Variants in PRMT5 observed in about 807,000 individuals in gnomAD.
PRMT5 encodes protein arginine methyltransferase 5, also known as protein arginine N-methyltransferase 5.
A neutral mutation model predicts 84.0 loss-of-function variants in PRMT5; 15 were observed. The observed-to-expected ratio is 0.18, with a 90% CI of 0.12 to 0.28. The LOEUF (loss-of-function observed/expected upper bound fraction) is 0.28, where lower values mean the gene tolerates loss of function less well. PRMT5 is among the 10% of genes least tolerant of loss of function. PRMT5 has a pLI of 1.00. For missense variants in PRMT5, 486 were observed against 808.0 expected (o/e 0.60, Z 4.83); for synonymous variants, 276 against 292.4 (o/e 0.94, Z 0.57).
rs2044474906 is a variant in PRMT5 at position 22,928,436 on chromosome 14, C to A, written c.229+61G>T. 2.1e-6 allele frequency: 3 copies of A among 1,406,354 alleles called. No homozygotes were observed. The highest frequency in any genetic ancestry group is 3.0e-6 in the Non-Finnish European group (3 of 992,730). The allele number at this position is 1,406,354 out of a possible 1,614,324, so 87.1% of individuals were successfully genotyped here. A position where few individuals can be genotyped will look rare whatever the true frequency, so the allele number is the denominator to read the frequency against. ...TCAGAAAAGGAGGAGAATGAGGGCC[C>A]CGATAAAGCAGAAGTTGTTATTGCC... On this transcript the variant is annotated intron_variant, in intron 2 of 16. Transcript: ENST00000324366. This position sits in a 1 kb window ranked among gnomAD's most constrained non-coding sequence, Gnocchi z 4.8.
chr14:22,920,719 G>T lies in PRMT5; in HGVS notation c.*185C>A. ...CCCTGGCCTGAGGTCTTCATAGATT[G>T]GTGGCTTGAGCCCTGCAATTAATTA... On this transcript the variant is annotated 3_prime_UTR_variant, in exon 17 of 17. Coordinates refer to ENST00000324366, the MANE Select transcript of PRMT5 (RefSeq NM_006109.5). 2.3e-6 allele frequency: 2 copies of T among 863,170 alleles called. No homozygotes were observed. Among genetic ancestry groups the T allele is most frequent in the Non-Finnish European group, 3.9e-6 (2 of 518,540 alleles). The allele number at this position is 863,170 out of a possible 1,614,324, so 53.5% of individuals were successfully genotyped here. A position where few individuals can be genotyped will look rare whatever the true frequency, so the allele number is the denominator to read the frequency against.
intron 15 of PRMT5, 57 bp from the exon 16 acceptor site, chr14:22,922,297 T>G (rs1181312121): frequency 2.7e-6 from 4 of 1,497,676 alleles, no homozygotes. Flanking sequence ...CTTTTGCCTA[T>G]GCTGAAGAGG....
chr14:22,922,004 C>T, intron 16 of PRMT5, 172 bp downstream of exon 16: 1 of 655,632 alleles, frequency 1.5e-6, no homozygotes, highest in Non-Finnish European at 2.7e-6. Flanking sequence ...TGCGGGAAAG[C>T]CAGGCAGAAG....
intron 3 of PRMT5, 143 bp downstream of exon 3, chr14:22,927,983 A>G (rs2044464177): frequency 2.6e-6 from 2 of 766,962 alleles, no homozygotes; most frequent in African/African-American, 1.8e-5. Context: ...TGCTAGGATT[A>G]TAGGTGTGCA....
chr14:22,924,220 G>A lies in PRMT5; in HGVS notation c.1200-37C>T, dbSNP rs778796413. ...ACAATAAGGTAAGGAGAGATGTTAA[G>A]GAAATTTGGCAATGAGGACTAACTT... On this transcript the variant is annotated intron_variant, in intron 11 of 16. Coordinates refer to ENST00000324366, the MANE Select transcript of PRMT5 (RefSeq NM_006109.5). The surrounding 1 kb of genome is among the most constrained non-coding windows in gnomAD (Gnocchi z 6.5). 6.2e-7 allele frequency: 1 copy of A among 1,611,936 alleles called. No individual in the cohort carries two copies. Among genetic ancestry groups the A allele is most frequent in the South Asian group, 1.1e-5 (1 of 90,948 alleles).
At position 22,924,262 on chromosome 14, in the gene PRMT5, C is replaced by G. The variant is rs1459207469; in HGVS notation, c.1199+8G>C. ...GACTAACTTCCCAGCAAGCAGGTTGCTACTCACGTCACCACGGCATTTGGG... is the reference window on the plus strand; with the variant it reads ...GACTAACTTCCCAGCAAGCAGGTTGGTACTCACGTCACCACGGCATTTGGG... On this transcript the variant is annotated splice_region_variant and intron_variant, in intron 11 of 16. Transcript: ENST00000324366. This position sits in a 1 kb window ranked among gnomAD's most constrained non-coding sequence, Gnocchi z 6.5. 11 of 1,613,952 alleles carry G rather than the reference C, an allele frequency of 6.8e-6. No homozygotes were observed. The highest frequency in any genetic ancestry group is 6.8e-6 in the Non-Finnish European group (8 of 1,179,880).
chr14:22,923,873 G>T lies in PRMT5; in HGVS notation c.1375+135C>A. ...GACTTCATTTGCTAGGGGCACAGAG[G>T]CAGTGAAGCAGTGGCTCTCAAACTC... is the stretch of plus-strand genomic sequence containing the variant. On this transcript the variant is annotated intron_variant, in intron 12 of 16. Coordinates refer to ENST00000324366, the MANE Select transcript of PRMT5 (RefSeq NM_006109.5). This position sits in a 1 kb window ranked among gnomAD's most constrained non-coding sequence, Gnocchi z 5.2. 2 of 915,028 alleles carry T rather than the reference G, an allele frequency of 2.2e-6. No individual in the cohort carries two copies. The highest frequency in any genetic ancestry group is 3.2e-6 in the Non-Finnish European group (2 of 616,582). 56.7% of individuals were successfully genotyped at this position (915,028 alleles called of 1,614,324 possible). A position where few individuals can be genotyped will look rare whatever the true frequency, so the allele number is the denominator to read the frequency against.
chr14:22,927,910 C>T (rs924249377), intron 3 of PRMT5, among the ~76,000 whole-genome samples: 1 of 151,870 alleles, frequency 6.6e-6, no homozygotes. Context: ...GGTTTCACTA[C>T]GCTGCCCAGG....
intron 3 of PRMT5, among the ~76,000 whole-genome samples, 191 bp from the exon 4 acceptor site, chr14:22,927,851 G>A (rs1156592293): frequency 1.3e-5 from 2 of 151,874 alleles, no homozygotes; most frequent in South Asian, 2.1e-4. Flanking sequence ...TGGGACCACA[G>A]GCATGCACCA....
chr14:22,926,979 T>C, intron 4 of PRMT5, 165 bp from the exon 5 acceptor site: 1 of 601,008 alleles, frequency 1.7e-6, no homozygotes, highest in Non-Finnish European at 3.0e-6. Flanking sequence ...TAGATCCTTA[T>C]GTAAATATCT....
rs72266907 is a variant in PRMT5, at chr14:22,923,494, ATATTTATT to A, written c.1376-342_1376-335del. On this transcript the variant is annotated intron_variant, in intron 12 of 16. Coordinates refer to ENST00000324366, the MANE Select transcript of PRMT5 (RefSeq NM_006109.5). This position sits in a 1 kb window ranked among gnomAD's most constrained non-coding sequence, Gnocchi z 5.2. ...AAGCTAAGCTCAGGGTACATATGTC[ATATTTATT>A]TATTTATTTATTTATTTATTTATTT... 8.4e-3 allele frequency: 1,246 copies of A among 148,322 alleles called. 12 individuals carry two copies. Among genetic ancestry groups the A allele is most frequent in the African/African-American group, 0.019 (769 of 39,632 alleles). The allele number at this position is 148,322 out of a possible 1,614,324, so 9.2% of individuals were successfully genotyped here. A position where few individuals can be genotyped will look rare whatever the true frequency, so the allele number is the denominator to read the frequency against.
In PRMT5 at chr14:22,924,239, C is replaced by T; in HGVS notation, c.1199+31G>A. 1 of 1,613,086 alleles carries T rather than the reference C, an allele frequency of 6.2e-7. No homozygotes were observed. The highest frequency in any genetic ancestry group is 8.5e-7 in the Non-Finnish European group (1 of 1,179,242). On this transcript the variant is annotated intron_variant, in intron 11 of 16. Transcript: ENST00000324366. This position sits in a 1 kb window ranked among gnomAD's most constrained non-coding sequence, Gnocchi z 6.5. ...TGTTAAGGAAATTTGGCAATGAGGA[C>T]TAACTTCCCAGCAAGCAGGTTGCTA...
chr14:22,926,414 T>A, intron 6 of PRMT5, 92 bp downstream of exon 6: 1 of 1,591,704 alleles, frequency 6.3e-7, no homozygotes, highest in South Asian at 1.1e-5. Context: ...AGAGGGGAAG[T>A]AGCAAAATTG....
intron 7 of PRMT5, among the ~76,000 whole-genome samples, chr14:22,925,541 C>T (rs753055738): frequency 6.6e-6 from 1 of 151,980 alleles, no homozygotes; most frequent in African/African-American, 2.4e-5. Flanking sequence ...CCCCCTTGGC[C>T]GGGCGTGGTG....
chr14:22,927,271 T>TTTTG (rs1566635675), intron 4 of PRMT5, among the ~76,000 whole-genome samples: 1 of 145,826 alleles, frequency 6.9e-6, no homozygotes, highest in Non-Finnish European at 1.5e-5. Context: ...TTTTTGTTTT[T>TTTTG]GTTTTGGTTT....
At position 22,928,259 on chromosome 14, in the gene PRMT5, C is replaced by T. The variant is rs2044471166; in HGVS notation, c.230-48G>A. 3 of 1,575,780 alleles carry T rather than the reference C, an allele frequency of 1.9e-6. No individual in the cohort carries two copies. In the East Asian group the frequency reaches 6.7e-5, roughly 35 times the overall value. ...GACAAATACTGAATAAGGTTCAGCACTTTACTTGTTCAATTTTTAGTTTTG... is the reference window on the plus strand; with the variant it reads ...GACAAATACTGAATAAGGTTCAGCATTTTACTTGTTCAATTTTTAGTTTTG... On this transcript the variant is annotated intron_variant, in intron 2 of 16. Transcript: ENST00000324366. This position sits in a 1 kb window ranked among gnomAD's most constrained non-coding sequence, Gnocchi z 4.8.
In PRMT5 at chr14:22,923,564, A is replaced by T. The variant is rs1304417290; in HGVS notation, c.1376-404T>A. On this transcript the variant is annotated intron_variant, in intron 12 of 16. Transcript: ENST00000324366. This position sits in a 1 kb window ranked among gnomAD's most constrained non-coding sequence, Gnocchi z 5.2. Reference sequence around the variant, plus strand: ...AGTCTCGCTCTGTTGCCCAGGCTGGAGTGCAGTGGCACAATCTCAGCTCAC... The same window carrying T: ...AGTCTCGCTCTGTTGCCCAGGCTGGTGTGCAGTGGCACAATCTCAGCTCAC... 6.6e-6 allele frequency among the ~76,000 whole-genome samples: 1 copy of T among 151,756 alleles called. No individual in the cohort carries two copies. Among genetic ancestry groups the T allele is most frequent in the Admixed American group, 6.6e-5 (1 of 15,250 alleles).
chr14:22,921,862 A>C (rs1371666021), intron 16 of PRMT5, among the ~76,000 whole-genome samples: 1 of 148,066 alleles, frequency 6.8e-6, no homozygotes, highest in Non-Finnish European at 1.5e-5. Flanking sequence ...AGCCTGGGCG[A>C]CAGAGTGAGA....
intron 7 of PRMT5, among the ~76,000 whole-genome samples, chr14:22,925,839 A>G (rs1211710470): frequency 6.6e-6 from 1 of 152,004 alleles, no homozygotes; most frequent in Non-Finnish European, 1.5e-5. Flanking sequence ...AAGAAAAAAG[A>G]AAAAGCCCTC....
Sources: gnomAD v4.1 joint callset for allele counts (sites outside exome capture counted in the v4.1 genomes callset) on GRCh38, gnomAD v4.1.1 for gene constraint, Gnocchi (gnomAD v3.1) non-coding constraint, MANE v1.5 for transcripts, NCBI Gene and HGNC (gene_info 2026-07-23, HGNC 2026-07-21) for gene names.